The following MED13 variants were observed in gnomAD, a reference collection of about 807,000 sequenced individuals.
MED13 encodes the protein mediator of RNA polymerase II transcription subunit 13.
Under a neutral mutation model 225.2 loss-of-function variants are expected in MED13, and 23 were observed. The observed-to-expected ratio is 0.10, with a 90% CI of 0.07 to 0.14. The LOEUF (loss-of-function observed/expected upper bound fraction) is 0.14, where lower values mean the gene tolerates loss of function less well. Among genes scored for constraint, MED13 ranks in the 10% least tolerant of loss-of-function variants. The pLI is 1.00. For missense variants in MED13, 2,197 were observed against 2,594.5 expected (o/e 0.85, Z 3.33); for synonymous variants, 942 against 889.2 (o/e 1.06, Z -1.06).
At chr17:62,058,847 AAAGT>A (rs1234114147) in intron 2 of MED13, among the ~76,000 whole-genome samples, 14 of 152,234 alleles carry the variant, frequency 9.2e-5, no homozygotes, top group Admixed American at 9.2e-4. Context: ...CTGAGGGTTT[AAAGT>A]ATGTATTAAA....
rs1412290051 is a variant in MED13 at position 62,036,017 on chromosome 17, T to C, written c.471-409A>G. ...GTTGCCCAGGGTGGCTTGTAACTCC[T>C]GGGCTCAAGGGATCCTCTGACCTCA... On this transcript the variant is annotated intron_variant, in intron 3 of 29. Transcript: ENST00000397786. Among the ~76,000 whole-genome samples the C allele has an allele frequency of 5.3e-5, 8 of 151,432 alleles. No individual in the cohort carries two copies. The East Asian group carries it at 1.2e-3, about 22-fold the overall frequency.
chr17:62,022,172 A>AT (rs1555640200), intron 8 of MED13, among the ~76,000 whole-genome samples: 78 of 94,556 alleles, frequency 8.2e-4, no homozygotes, highest in African/African-American at 1.1e-3. Flanking sequence ...TCTCAAAAAA[A>AT]AAATATATAT....
intron 2 of MED13, among the ~76,000 whole-genome samples, chr17:62,057,874 C>T (rs1336414616): frequency 6.6e-6 from 1 of 152,262 alleles, no homozygotes; most frequent in East Asian, 1.9e-4. Flanking sequence ...TCATCACAGT[C>T]TAACTTGCTA....
intron 8 of MED13, among the ~76,000 whole-genome samples, chr17:62,025,211 C>A (rs1268345883): frequency 6.6e-6 from 1 of 152,200 alleles, no homozygotes; most frequent in Non-Finnish European, 1.5e-5. Context: ...CTATTCAACT[C>A]TGCCATTGTG....
chr17:62,061,110 A>G (rs2143784702), intron 2 of MED13, among the ~76,000 whole-genome samples: 1 of 152,342 alleles, frequency 6.6e-6, no homozygotes, highest in South Asian at 2.1e-4. Context: ...TGGAGAAAAC[A>G]TATCTGACTG....
At chr17:61,951,591 A>G (rs760351759) in intron 27 of MED13, among the ~76,000 whole-genome samples, 1 of 152,212 alleles carries the variant, frequency 6.6e-6, no homozygotes, top group Non-Finnish European at 1.5e-5. Flanking sequence ...TTACATGTCC[A>G]ATATTTTGGG....
intron 16 of MED13, 44 bp downstream of exon 16, chr17:61,982,154 A>G: frequency 6.5e-7 from 1 of 1,530,388 alleles, no homozygotes. Context: ...ATGTAACTAA[A>G]GGGAAATAAG....
chr17:62,005,658 G>A (rs2080439886), intron 9 of MED13: 1 of 152,174 alleles, frequency 6.6e-6, no homozygotes, highest in Non-Finnish European at 1.5e-5. Flanking sequence ...AATACTTTTA[G>A]ATTCAAAGGG....
In MED13 at chr17:61,984,700, T is replaced by C. The variant is rs777795830; in HGVS notation, c.2642A>G (p.Lys881Arg). 11 of 1,613,910 alleles carry C rather than the reference T, an allele frequency of 6.8e-6. No homozygotes were observed. The Admixed American group carries it at 1.5e-4, about 22-fold the overall frequency. The change falls in exon 14 of 30, where the codon AAA becomes AGA. Residue 881 changes from lysine (K) to arginine (R), a missense_variant. By Grantham distance (26) the Lys-to-Arg change is conservative (BLOSUM62 2). This residue lies in a region of MED13 where 160 missense variants were observed against 184.8 expected (regional missense o/e 0.87). Coordinates refer to ENST00000397786, the MANE Select transcript of MED13 (RefSeq NM_005121.3). ...GNSSSIGAQF[K>R]IEVDEGFCSP... is the part of the protein sequence containing the mutation. ...ACAGAATCCCTCATCAACCTCAATT[T>C]TGAACTGCGCTCCTATACTAGAACT... is the stretch of plus-strand genomic sequence containing the variant.
chr17:61,990,928 T>TGC (rs1409687175), intron 11 of MED13, among the ~76,000 whole-genome samples: 4 of 152,042 alleles, frequency 2.6e-5, no homozygotes, highest in African/African-American at 9.7e-5. Context: ...CTTGTGTGTG[T>TGC]GGGAAGAAAA....
intron 3 of MED13, among the ~76,000 whole-genome samples, chr17:62,048,222 A>G (rs964921459): frequency 2.5e-4 from 38 of 150,190 alleles, no homozygotes; most frequent in African/African-American, 9.0e-4. Flanking sequence ...CCTAGCCAAC[A>G]TGGCGAAACC....
chr17:61,991,425 T>C (rs1232111234), intron 11 of MED13, among the ~76,000 whole-genome samples: 1 of 152,130 alleles, frequency 6.6e-6, no homozygotes, highest in Non-Finnish European at 1.5e-5. Context: ...CCACAACCTC[T>C]GCCTCCTGGG....
Position 61,961,140 on chromosome 17 carries a change from A to C in MED13, c.5257-50T>G, listed in dbSNP as rs759614604. 5 of 1,377,944 alleles carry C rather than the reference A, an allele frequency of 3.6e-6. No homozygotes were observed. The East Asian group carries it at 1.2e-4, about 34-fold the overall frequency. 85.4% of individuals were successfully genotyped at this position (1,377,944 alleles called of 1,614,324 possible). On this transcript the variant is annotated intron_variant, in intron 22 of 29. Transcript: ENST00000397786. ...TATCATACTATACAATCTTAGAGAA[A>C]TATTGCATTTAAAATGTAATTCTTA... is the stretch of plus-strand genomic sequence containing the variant.
chr17:61,977,766 C>T (rs2080169712), intron 16 of MED13, among the ~76,000 whole-genome samples: 1 of 151,868 alleles, frequency 6.6e-6, no homozygotes, highest in Non-Finnish European at 1.5e-5. Flanking sequence ...GTTTTTAATA[C>T]TGAAAATTTT....
chr17:62,017,239 C>T (rs2080591799), intron 8 of MED13, among the ~76,000 whole-genome samples: 1 of 117,794 alleles, frequency 8.5e-6, no homozygotes, highest in Admixed American at 8.2e-5. Context: ...AAAAAAAAAG[C>T]ATGAAAGATT....
rs776980871 is a variant in MED13, at chr17:61,960,880, C to T, written c.5467G>A (p.Asp1823Asn). The T allele has an allele frequency of 2.0e-5, 32 of 1,602,050 alleles. No homozygotes were observed. Among genetic ancestry groups the T allele is most frequent in the Admixed American group, 1.3e-4 (8 of 59,882 alleles). ...ELLETCIINI[D>N]VPNRARRKKS... is the part of the protein sequence containing the mutation. Reference sequence around the variant, plus strand: ...AAATACAAATACCTATTTGGAACATCGATGTTAATGATACAAGTTTCTAAA... The same window carrying T: ...AAATACAAATACCTATTTGGAACATTGATGTTAATGATACAAGTTTCTAAA... The change falls in exon 23 of 30, where the codon GAT (aspartate) becomes AAT (asparagine). Residue 1823 changes from aspartate to asparagine, a missense_variant. Coordinates refer to ENST00000397786, the MANE Select transcript of MED13 (RefSeq NM_005121.3).
At chr17:62,002,442 T>C (rs559737827) in intron 9 of MED13, among the ~76,000 whole-genome samples, 4 of 147,992 alleles carry the variant, frequency 2.7e-5, no homozygotes, top group South Asian at 2.1e-4. Context: ...TGAGCCGAGA[T>C]TGCGCCACTG....
At chr17:62,038,000 G>A (rs1267180534) in intron 3 of MED13, among the ~76,000 whole-genome samples, 1 of 144,866 alleles carries the variant, frequency 6.9e-6, no homozygotes, top group Non-Finnish European at 1.5e-5. Context: ...CAGCGGCTAG[G>A]AGACCTGAAT....
At chr17:62,060,651 A>C in intron 2 of MED13, among the ~76,000 whole-genome samples, 1 of 151,588 alleles carries the variant, frequency 6.6e-6, no homozygotes, top group Admixed American at 6.6e-5. Flanking sequence ...TCTCAAAAAA[A>C]AAAAAAAAAC....
Sources: gnomAD v4.1 joint callset for allele counts (sites outside exome capture counted in the v4.1 genomes callset) on GRCh38, gnomAD v4.1.1 for gene constraint, gnomAD v4.1.1 regional missense constraint, MANE v1.5 for transcripts, NCBI Gene and HGNC (gene_info 2026-07-23, HGNC 2026-07-21) for gene names.